The following TBC1D16 variants were observed in gnomAD, a reference collection of about 807,000 sequenced individuals.
TBC1D16 encodes the protein CTD-2529O21.1.
Under a neutral mutation model 74.7 loss-of-function variants are expected in TBC1D16, and 58 were observed. The observed-to-expected ratio is 0.78, with a 90% confidence interval of 0.63 to 0.97. TBC1D16 has a LOEUF of 0.97. Among genes scored for constraint, TBC1D16 ranks in the 50% least tolerant of loss-of-function variants. The pLI is 0.00. For missense variants in TBC1D16, 1,014 were observed against 1,079.5 expected (o/e 0.94, Z 0.85); for synonymous variants, 493 against 474.7 (o/e 1.04, Z -0.50).
intron 1 of TBC1D16, among the ~76,000 whole-genome samples, chr17:80,023,134 G>C (rs540834486): frequency 1.3e-5 from 2 of 149,980 alleles, no homozygotes; most frequent in Non-Finnish European, 2.9e-5. Flanking sequence ...CTCATCACAG[G>C]CAAGATTTAC....
At chr17:80,013,190 T>A (rs1036121988) in intron 2 of TBC1D16, among the ~76,000 whole-genome samples, 177 bp downstream of exon 2, 1 of 152,230 alleles carries the variant, frequency 6.6e-6, no homozygotes, top group African/African-American at 2.4e-5. Context: ...CAGCCTGCCA[T>A]GAGCCAGACT....
In TBC1D16 at chr17:79,988,505, T is replaced by C. The variant is rs971770717; in HGVS notation, c.779+21655A>G. ...AGCTGCCCAATCATAAGACCATGGC[T>C]GAAAGTCAAACGCGCCCAGAGTCCA... On this transcript the variant is annotated intron_variant, in intron 3 of 11. Coordinates refer to ENST00000310924, the MANE Select transcript of TBC1D16 (RefSeq NM_019020.4). The surrounding 1 kb of genome is among the most constrained non-coding windows in gnomAD (Gnocchi z 5.7). 1.3e-5 allele frequency among the ~76,000 whole-genome samples: 2 copies of C among 152,188 alleles called. No homozygotes were observed.
intron 1 of TBC1D16, among the ~76,000 whole-genome samples, chr17:80,015,474 G>A (rs1347390828): frequency 1.3e-5 from 2 of 152,020 alleles, no homozygotes; most frequent in Non-Finnish European, 2.9e-5. Flanking sequence ...GACAGGCACA[G>A]AGCCACGCTG....
rs2035784578 is a variant in TBC1D16 at position 80,009,104 on chromosome 17, ACACGTACCATCCATAGCC to A, written c.779+1038_779+1055del. On this transcript the variant is annotated intron_variant, in intron 3 of 11. Coordinates refer to ENST00000310924, the MANE Select transcript of TBC1D16 (RefSeq NM_019020.4). This position sits in a 1 kb window ranked among gnomAD's most constrained non-coding sequence, Gnocchi z 5.4. ...CGGGGCGTGGGGCTGTGGAAAGCAC[ACACGTACCATCCATAGCC>A]CACGGTGTCCAGCGCCCAGGCGAGA... Among the ~76,000 whole-genome samples the A allele has an allele frequency of 6.6e-6, 1 of 152,232 alleles. No homozygotes were observed. Among genetic ancestry groups the A allele is most frequent in the South Asian group, 2.1e-4 (1 of 4,838 alleles).
At chr17:79,946,428 G>A (rs527389748) in intron 9 of TBC1D16, among the ~76,000 whole-genome samples, 1 of 152,332 alleles carries the variant, frequency 6.6e-6, no homozygotes, top group East Asian at 1.9e-4. Context: ...CTCACCTCCT[G>A]CGGTGCGGCC....
chr17:79,959,404 AATTTGG>A (rs1208281455), intron 3 of TBC1D16, among the ~76,000 whole-genome samples: 1 of 152,202 alleles, frequency 6.6e-6, no homozygotes, highest in Non-Finnish European at 1.5e-5. Context: ...TTGACCCTAA[AATTTGG>A]AGCTAGTATA....
chr17:79,964,255 C>A (rs959655234), intron 3 of TBC1D16, among the ~76,000 whole-genome samples: 13 of 152,092 alleles, frequency 8.5e-5, no homozygotes, highest in Admixed American at 7.9e-4. Flanking sequence ...GGGTTACAGG[C>A]GTGAGCCACC....
In TBC1D16 at chr17:79,941,134, A is replaced by T. The variant is rs2143372967; in HGVS notation, c.2056-27T>A. 2 of 1,535,848 alleles carry T rather than the reference A, an allele frequency of 1.3e-6. No individual in the cohort carries two copies. Among genetic ancestry groups the T allele is most frequent in the East Asian group, 2.4e-5 (1 of 41,508 alleles). ...TGCAGACAGAGGACGGGGGGTGAGG[A>T]GGGGCCGGGGGACAGCCTGGCAGCC... On this transcript the variant is annotated intron_variant, in intron 11 of 11. Transcript: ENST00000310924. This position sits in a 1 kb window ranked among gnomAD's most constrained non-coding sequence, Gnocchi z 4.3.
In TBC1D16 at chr17:79,954,764, G is replaced by C. The variant is rs566732835; in HGVS notation, c.780-1946C>G. On this transcript the variant is annotated intron_variant, in intron 3 of 11. Coordinates refer to ENST00000310924, the MANE Select transcript of TBC1D16 (RefSeq NM_019020.4). The surrounding 1 kb of genome is among the most constrained non-coding windows in gnomAD (Gnocchi z 5.5). ...TGCCCCGTGTGCTGCCTGCTGGCCCGGCCCACCCAGTGGGGCCATCAGAGG... is the reference window on the plus strand; with the variant it reads ...TGCCCCGTGTGCTGCCTGCTGGCCCCGCCCACCCAGTGGGGCCATCAGAGG... 2.6e-5 allele frequency among the ~76,000 whole-genome samples: 4 copies of C among 152,152 alleles called. No individual in the cohort carries two copies. The South Asian group carries it at 6.2e-4, about 24-fold the overall frequency.
rs982265809 is a variant in TBC1D16, at chr17:79,979,285, G to A, written c.780-26467C>T. ...GCACACCCACGCCCAGAGCACACGCGCTCCGGGGACGCACACCCACGCCCA... is the reference window on the plus strand; with the variant it reads ...GCACACCCACGCCCAGAGCACACGCACTCCGGGGACGCACACCCACGCCCA... On this transcript the variant is annotated intron_variant, in intron 3 of 11. Transcript: ENST00000310924. This position sits in a 1 kb window ranked among gnomAD's most constrained non-coding sequence, Gnocchi z 4.8. Among the ~76,000 whole-genome samples, 9 of 150,690 alleles carry A rather than the reference G, an allele frequency of 6.0e-5. No individual in the cohort carries two copies. Among genetic ancestry groups the A allele is most frequent in the African/African-American group, 1.2e-4 (5 of 40,894 alleles).
chr17:79,970,745 G>A (rs1304050505), intron 3 of TBC1D16, among the ~76,000 whole-genome samples: 2 of 152,166 alleles, frequency 1.3e-5, no homozygotes, highest in African/African-American at 4.8e-5. Context: ...AGTGAAGCCT[G>A]CAGAAAGGTG....
chr17:79,994,769 G>C lies in TBC1D16; in HGVS notation c.779+15391C>G, dbSNP rs1001583093. On this transcript the variant is annotated intron_variant, in intron 3 of 11. Transcript: ENST00000310924. The surrounding 1 kb of genome is among the most constrained non-coding windows in gnomAD (Gnocchi z 4.6). The stretch of plus-strand genomic sequence containing the variant: ...GCAGGTCGCCAATCTGTGTAGACTC[G>C]TGCTGGCCAAGGCAGTGACCCCAAG... Among the ~76,000 whole-genome samples the C allele has an allele frequency of 6.9e-6, 1 of 145,728 alleles. No individual in the cohort carries two copies. Among genetic ancestry groups the C allele is most frequent in the Non-Finnish European group, 1.5e-5 (1 of 65,542 alleles).
chr17:79,967,999 A>C (rs2033911906), intron 3 of TBC1D16, among the ~76,000 whole-genome samples: 1 of 152,194 alleles, frequency 6.6e-6, no homozygotes, highest in Non-Finnish European at 1.5e-5. Flanking sequence ...ATAATCTTTA[A>C]AAAATTTTTT....
intron 3 of TBC1D16, among the ~76,000 whole-genome samples, chr17:79,959,962 C>CA (rs2033519447): frequency 6.7e-6 from 1 of 148,488 alleles, no homozygotes; most frequent in Non-Finnish European, 1.5e-5. Flanking sequence ...ATATAGTCAA[C>CA]AAAAAACTTG....
In TBC1D16 at chr17:79,980,020, C is replaced by T. The variant is rs2034512639; in HGVS notation, c.780-27202G>A. On this transcript the variant is annotated intron_variant, in intron 3 of 11. Transcript: ENST00000310924. The surrounding 1 kb of genome is among the most constrained non-coding windows in gnomAD (Gnocchi z 7.0). ...GTGGGCACCGGTGCCTCCCCAGACC[C>T]TCTGGGCAGCCCATCCTTGCACCTG... Among the ~76,000 whole-genome samples, 1 of 152,050 alleles carries T rather than the reference C, an allele frequency of 6.6e-6. No individual in the cohort carries two copies. Among genetic ancestry groups the T allele is most frequent in the East Asian group, 1.9e-4 (1 of 5,152 alleles).
chr17:79,982,991 GTCA>G (rs1238116396), intron 3 of TBC1D16, among the ~76,000 whole-genome samples: 5 of 152,160 alleles, frequency 3.3e-5, no homozygotes, highest in Non-Finnish European at 7.3e-5. Context: ...CTGAACCTGC[GTCA>G]TCCACGTTTG....
intron 1 of TBC1D16, among the ~76,000 whole-genome samples, chr17:80,022,490 C>A (rs1156841823): frequency 3.4e-5 from 5 of 148,712 alleles, no homozygotes; most frequent in Admixed American, 6.6e-5. Context: ...GTGCCCACCA[C>A]CACGCCTGGC....
chr17:80,020,680 T>C (rs2036253750), intron 1 of TBC1D16, among the ~76,000 whole-genome samples: 3 of 150,206 alleles, frequency 2.0e-5, no homozygotes, highest in African/African-American at 7.6e-5. Context: ...TTCCAACTAG[T>C]GGCTACTGAA....
chr17:80,006,703 G>T (rs2035692538), intron 3 of TBC1D16, among the ~76,000 whole-genome samples: 1 of 151,712 alleles, frequency 6.6e-6, no homozygotes, highest in African/African-American at 2.4e-5. Context: ...CTGTCACCCA[G>T]GCTGGAGTGC....
Sources: allele counts gnomAD v4.1 joint callset (sites outside exome capture counted in the v4.1 genomes callset), GRCh38; gene constraint gnomAD v4.1.1; non-coding constraint Gnocchi (gnomAD v3.1); transcripts MANE v1.5; gene names NCBI Gene and HGNC (gene_info 2026-07-23, HGNC 2026-07-21).